The following RAD9B variants were observed in gnomAD, a reference collection of about 807,000 sequenced individuals.
RAD9B encodes cell cycle checkpoint control protein RAD9B.
A neutral mutation model predicts 48.3 loss-of-function variants in RAD9B; 41 were observed. The ratio of observed to expected loss-of-function variants is 0.85; its 90% CI spans 0.66 to 1.10. RAD9B has a LOEUF of 1.10. RAD9B is among the 50% of genes least tolerant of loss of function. RAD9B has a pLI of 0.00. For missense variants in RAD9B, 444 were observed against 485.1 expected (o/e 0.92, Z 0.80); for synonymous variants, 160 against 157.9 (o/e 1.01, Z -0.10).
rs753689505 is a variant in RAD9B, at chr12:110,522,457, C to T, written c.1125+46C>T. 1.5e-5 allele frequency: 20 copies of T among 1,370,254 alleles called. No individual in the cohort carries two copies. The Admixed American group carries it at 2.2e-4, about 15-fold the overall frequency. 84.9% of individuals were successfully genotyped at this position (1,370,254 alleles called of 1,614,324 possible). The stretch of plus-strand genomic sequence containing the variant: ...CCACATCTCAGTCAAGAATTCTCAT[C>T]TGTCTCCCTTTGCAGTCTTCCTCCC... On this transcript the variant is annotated intron_variant, in intron 10 of 10. Transcript: ENST00000409300.
intron 8 of RAD9B, 65 bp downstream of exon 8, chr12:110,519,003 G>T: frequency 1.8e-6 from 2 of 1,111,802 alleles, no homozygotes; most frequent in Non-Finnish European, 2.6e-6. Context: ...AAACCTTTTG[G>T]ATCACTTTGA....
chr12:110,512,734 G>C, intron 4 of RAD9B, 45 bp from the exon 5 acceptor site: 2 of 806,142 alleles, frequency 2.5e-6, no homozygotes, highest in Non-Finnish European at 4.0e-6. Flanking sequence ...TAATTTGTTA[G>C]TTTTGTACTT....
intron 4 of RAD9B, among the ~76,000 whole-genome samples, chr12:110,512,491 A>G (rs955967819): frequency 2.0e-5 from 3 of 152,208 alleles, no homozygotes; most frequent in Non-Finnish European, 4.4e-5. Context: ...GTATCAATAA[A>G]AATATATTAA....
chr12:110,519,714 G>C, intron 8 of RAD9B, 80 bp from the exon 9 acceptor site: 2 of 1,477,442 alleles, frequency 1.4e-6, no homozygotes, highest in Non-Finnish European at 1.8e-6. Flanking sequence ...TTTTAGTCCA[G>C]AATTAAGTAT....
chr12:110,520,366 C>T lies in RAD9B; in HGVS notation c.890+450C>T, dbSNP rs140568165. Among the ~76,000 whole-genome samples, 831 of 152,198 alleles carry T rather than the reference C, an allele frequency of 5.5e-3. 7 individuals are homozygous for T. The highest frequency in any genetic ancestry group is 0.011 in the Admixed American group (168 of 15,278). ...GGGACTATAGGCATGTGCCACCACA[C>T]CCAGCTAATTTTTTGTATTTTTTTT... On this transcript the variant is annotated intron_variant, in intron 9 of 10. Transcript: ENST00000409300.
At chr12:110,511,803 A>G (rs569949624) in intron 4 of RAD9B, among the ~76,000 whole-genome samples, 1 of 152,252 alleles carries the variant, frequency 6.6e-6, no homozygotes, top group African/African-American at 2.4e-5. Flanking sequence ...TGATAATTAC[A>G]CAGTCTGTGC....
intron 9 of RAD9B, among the ~76,000 whole-genome samples, chr12:110,520,644 T>TTG (rs1565895633): frequency 1.4e-4 from 20 of 145,780 alleles, no homozygotes; most frequent in African/African-American, 5.1e-4. Context: ...TTTTTTTTTT[T>TTG]TTGTTGTTTT....
chr12:110,503,458 GT>G (rs1459998259), intron 1 of RAD9B: 2 of 207,778 alleles, frequency 9.6e-6, no homozygotes, highest in African/African-American at 4.7e-5. Context: ...TCCATGCACT[GT>G]TTTCACAGTT....
At chr12:110,504,388 G>GA (rs1243421045) in intron 2 of RAD9B, among the ~76,000 whole-genome samples, 4 of 149,934 alleles carry the variant, frequency 2.7e-5, no homozygotes, top group Non-Finnish European at 4.4e-5. Context: ...AGAATTGCTT[G>GA]AATCCAGCAG....
chr12:110,512,134 C>T (rs1053131220), intron 4 of RAD9B, among the ~76,000 whole-genome samples: 19 of 151,256 alleles, frequency 1.3e-4, no homozygotes, highest in Admixed American at 4.0e-4. Context: ...CGTGAGCCAC[C>T]GTGCCTGGCC....
intron 4 of RAD9B, among the ~76,000 whole-genome samples, chr12:110,507,267 A>G (rs1212081422): frequency 1.3e-5 from 2 of 150,294 alleles, no homozygotes; most frequent in African/African-American, 2.4e-5. Context: ...CATACAGCCT[A>G]ATTTTTTTCA....
At chr12:110,505,317 A>G (rs553412095) in intron 2 of RAD9B, among the ~76,000 whole-genome samples, 2 of 152,286 alleles carry the variant, frequency 1.3e-5, no homozygotes, top group Non-Finnish European at 2.9e-5. Flanking sequence ...AATTCAATAC[A>G]GACTATATAG....
intron 10 of RAD9B, among the ~76,000 whole-genome samples, chr12:110,522,700 A>AT (rs1331758213): frequency 6.6e-5 from 10 of 152,296 alleles, no homozygotes; most frequent in African/African-American, 2.2e-4. Context: ...ATAAATTATG[A>AT]TTTTTTTATG....
At chr12:110,504,252 TGAG>T (rs2063193989) in intron 2 of RAD9B, among the ~76,000 whole-genome samples, 1 of 151,888 alleles carries the variant, frequency 6.6e-6, no homozygotes, top group Non-Finnish European at 1.5e-5. Context: ...GTGGATCACC[TGAG>T]GTCAGGAGTT....
intron 10 of RAD9B, 141 bp downstream of exon 10, chr12:110,522,552 C>T: frequency 1.6e-6 from 1 of 639,842 alleles, no homozygotes; most frequent in Non-Finnish European, 2.7e-6. Context: ...TGAAGCTAGT[C>T]TGAATTATAG....
chr12:110,526,595 T>C (rs1347236742), intron 10 of RAD9B, among the ~76,000 whole-genome samples: 1 of 152,178 alleles, frequency 6.6e-6, no homozygotes, highest in Non-Finnish European at 1.5e-5. Context: ...AAGACTAGAC[T>C]CTTTAGAGGC....
chr12:110,517,751 G>GACAC (rs34935245), intron 6 of RAD9B, among the ~76,000 whole-genome samples: 30,504 of 141,244 alleles, frequency 0.22, 3,327 homozygotes, highest in East Asian at 0.27. Flanking sequence ...ACAAAACATT[G>GACAC]ACACACACAC....
intron 4 of RAD9B, among the ~76,000 whole-genome samples, chr12:110,509,662 C>G (rs2063403510): frequency 6.6e-6 from 1 of 152,110 alleles, no homozygotes; most frequent in African/African-American, 2.4e-5. Context: ...AGGAAGAAAA[C>G]AAGTAGCAAG....
intron 4 of RAD9B, among the ~76,000 whole-genome samples, chr12:110,507,493 AATATATGTATTAAATATAAT>A (rs2063326688): frequency 7.0e-4 from 7 of 9,972 alleles, no homozygotes; most frequent in African/African-American, 3.4e-3. Flanking sequence ...TATAATACAT[AATATATGTATTAAATATAAT>A]ACATAATATA....
Sources: allele counts gnomAD v4.1 joint callset (sites outside exome capture counted in the v4.1 genomes callset), GRCh38; gene constraint gnomAD v4.1.1; transcripts MANE v1.5; gene names NCBI Gene and HGNC (gene_info 2026-07-23, HGNC 2026-07-21).